Variants in DUSP15 observed in about 807,000 individuals in gnomAD.
DUSP15 encodes the protein dual specificity phosphatase 15.
In DUSP15, 23 loss-of-function variants were observed where a neutral mutation model predicts 26.3. The observed-to-expected ratio is 0.87, with a 90% confidence interval of 0.63 to 1.24. The LOEUF (loss-of-function observed/expected upper bound fraction) is 1.24, where lower values mean the gene tolerates loss of function less well. Ranked by LOEUF, DUSP15 falls within the 50% of genes most tolerant of loss-of-function variation. The pLI, the probability that DUSP15 is intolerant of heterozygous loss-of-function variation, is 0.00. For synonymous variants in DUSP15, 143 were observed against 135.5 expected (o/e 1.06, Z -0.39); for missense variants, 364 against 320.6 (o/e 1.14, Z -1.03).
chr20:31,869,934 G>A, intron 1 of DUSP15: 2 of 1,356,618 alleles, frequency 1.5e-6, no homozygotes, highest in East Asian at 2.8e-5. Flanking sequence ...GGGCTGGGGA[G>A]GCAGAAAGGC....
At chr20:31,847,728 T>A (rs908510646) in exon 10 of DUSP15, 1 of 152,222 alleles carries the variant, frequency 6.6e-6, no homozygotes, top group African/African-American at 2.4e-5. Context: ...GCCTACAACG[T>A]ACAGCTTGCA....
At chr20:31,862,272 C>T (rs2062677619) in intron 6 of DUSP15, among the ~76,000 whole-genome samples, 2 of 152,168 alleles carry the variant, frequency 1.3e-5, no homozygotes, top group Non-Finnish European at 2.9e-5. Context: ...GGGTCAAACA[C>T]TCAAATCCTT....
chr20:31,858,272 C>T (rs918404443), downstream of DUSP15, among the ~76,000 whole-genome samples: 4 of 152,122 alleles, frequency 2.6e-5, no homozygotes, highest in African/African-American at 4.8e-5. The surrounding 1 kb of genome is among the most constrained non-coding windows in gnomAD (Gnocchi z 4.4). Context: ...TCAATCTGTG[C>T]CCCCCCAGTC....
chr20:31,869,509 C>G (rs752150998), intron 2 of DUSP15, 55 bp downstream of exon 2: 4 of 1,591,762 alleles, frequency 2.5e-6, no homozygotes, highest in Non-Finnish European at 3.4e-6. Context: ...ATGGTGGACA[C>G]AGGCCTGAGA....
intron 4 of DUSP15, 47 bp downstream of exon 4, chr20:31,864,906 A>C: frequency 6.3e-7 from 1 of 1,581,266 alleles, no homozygotes; most frequent in Non-Finnish European, 8.7e-7. Context: ...CCCCCACCAC[A>C]GAAGGCAGCT....
At chr20:31,870,614 G>T (rs770845283), upstream of DUSP15, 1 of 1,372,650 alleles carries the variant, frequency 7.3e-7, no homozygotes, top group East Asian at 2.8e-5. The surrounding 1 kb of genome is among the most constrained non-coding windows in gnomAD (Gnocchi z 6.6). Flanking sequence ...GGGTCGCGGC[G>T]GGGGGCCGGA....
chr20:31,848,614 C>T lies in DUSP15; in HGVS notation c.727-49G>A, dbSNP rs1225820749. ...AGCAGACCCTCTCCATTTCCCGCCT[C>T]GGATGTTCCCATGGGAAGTCACAGC... On this transcript the variant is annotated intron_variant, in intron 9 of 9. Transcript: ENST00000278979. 7.3e-6 allele frequency: 11 copies of T among 1,504,170 alleles called. No homozygotes were observed. In the Admixed American group the frequency reaches 1.7e-4, roughly 23 times the overall value. 93.2% of individuals were successfully genotyped at this position (1,504,170 alleles called of 1,614,324 possible). A position where few individuals can be genotyped will look rare whatever the true frequency, so the allele number is the denominator to read the frequency against.
chr20:31,862,824 C>T, intron 5 of DUSP15, 82 bp from the exon 6 acceptor site: 1 of 1,393,476 alleles, frequency 7.2e-7, no homozygotes, highest in Non-Finnish European at 9.6e-7. Flanking sequence ...TGCTTCAACT[C>T]CCCCACCCTT....
chr20:31,851,276 A>C (rs1337689439), intron 6 of DUSP15, among the ~76,000 whole-genome samples: 1 of 151,822 alleles, frequency 6.6e-6, no homozygotes, highest in Non-Finnish European at 1.5e-5. Context: ...CCAGATGCTG[A>C]TGCGGGGGTG....
chr20:31,866,215 C>T (rs1419626009), intron 3 of DUSP15, among the ~76,000 whole-genome samples: 4 of 152,132 alleles, frequency 2.6e-5, no homozygotes, highest in African/African-American at 9.7e-5. Flanking sequence ...CTTTTCCCAC[C>T]CATGGTTCTT....
At chr20:31,869,953 G>A (rs547683268) in intron 1 of DUSP15, 86 of 1,355,632 alleles carry the variant, frequency 6.3e-5, no homozygotes, top group Non-Finnish European at 7.7e-5. Flanking sequence ...GCAATGACAG[G>A]CAGAGGCGGG....
At chr20:31,850,821 G>C in intron 6 of DUSP15, 1 of 839,376 alleles carries the variant, frequency 1.2e-6, no homozygotes. Flanking sequence ...GAGGATGGGT[G>C]GTAGTAAGGA....
At chr20:31,858,222 G>T (rs116376758), downstream of DUSP15, among the ~76,000 whole-genome samples, 516 of 152,240 alleles carry the variant, frequency 3.4e-3, 1 homozygote, top group African/African-American at 0.012. The surrounding 1 kb of genome is among the most constrained non-coding windows in gnomAD (Gnocchi z 4.4). Context: ...AGAGGGTCTT[G>T]CCCGCATCCT....
intron 4 of DUSP15, chr20:31,864,319 G>A: frequency 1.8e-6 from 2 of 1,091,900 alleles, no homozygotes. Flanking sequence ...CCACTCCTCT[G>A]GGGTCTGCAA....
At position 31,861,614 on chromosome 20, in the gene DUSP15, C is replaced by A; in HGVS notation, c.497G>T (p.Arg166Leu). The A allele has an allele frequency of 3.3e-6, 5 of 1,492,558 alleles. No homozygotes were observed. Among genetic ancestry groups the A allele is most frequent in the Non-Finnish European group, 4.4e-6 (5 of 1,129,688 alleles). The allele number at this position is 1,492,558 out of a possible 1,614,324, so 92.5% of individuals were successfully genotyped here. A position where few individuals can be genotyped will look rare whatever the true frequency, so the allele number is the denominator to read the frequency against. ...ESPFRDEEEL[R>L]ALLPLCKRCR... ...GCGCTTGCACAGCGGCAGCAGCGCGCGCAACTCCTCCTCGTCGCGGAAGGG... is the reference window on the plus strand; with the variant it reads ...GCGCTTGCACAGCGGCAGCAGCGCGAGCAACTCCTCCTCGTCGCGGAAGGG... Residue 166 changes from arginine to leucine, a missense_variant, in exon 7 of 7, where the codon CGC becomes CTC. Physicochemically the swap from Arg to Leu is moderately radical, Grantham distance 102. Coordinates refer to ENST00000339738, the MANE Select transcript of DUSP15 (RefSeq NM_080611.5).
At chr20:31,846,771 A>G (rs144774057), downstream of DUSP15, among the ~76,000 whole-genome samples, 74 of 152,198 alleles carry the variant, frequency 4.9e-4, no homozygotes, top group Middle Eastern at 6.8e-3. Context: ...CTGGGGAGAG[A>G]CATTCTCCCT....
rs557532285 is a variant in DUSP15, at chr20:31,864,325, T to C, written c.189-344A>G. 12 of 1,074,384 alleles carry C rather than the reference T, an allele frequency of 1.1e-5. No individual in the cohort carries two copies. In the East Asian group the frequency reaches 8.4e-4, roughly 75 times the overall value. The allele number at this position is 1,074,384 out of a possible 1,614,324, so 66.6% of individuals were successfully genotyped here. ...ACAGGGGTCCCACTCCTCTGGGGTC[T>C]GCAATCAGAGCACCTGGGCACAATG... On this transcript the variant is annotated intron_variant, in intron 4 of 6. Transcript: ENST00000339738.
intron 6 of DUSP15, among the ~76,000 whole-genome samples, chr20:31,853,661 T>C (rs2062511940): frequency 6.7e-6 from 1 of 149,152 alleles, no homozygotes; most frequent in Non-Finnish European, 1.5e-5. Context: ...CACTCCAGCC[T>C]GGTGATCAGG....
chr20:31,867,913 G>T (rs2062811314), intron 2 of DUSP15, among the ~76,000 whole-genome samples: 1 of 151,914 alleles, frequency 6.6e-6, no homozygotes, highest in Non-Finnish European at 1.5e-5. Context: ...CCAAAGTGCT[G>T]GGATTACAGG....
Sources: allele counts gnomAD v4.1 joint callset (sites outside exome capture counted in the v4.1 genomes callset), GRCh38; gene constraint gnomAD v4.1.1; non-coding constraint Gnocchi (gnomAD v3.1); transcripts MANE v1.5; gene names NCBI Gene and HGNC (gene_info 2026-07-23, HGNC 2026-07-21).